MLLT1: variants seen among roughly 807,000 people sequenced by gnomAD.
MLLT1 encodes MLLT1 super elongation complex subunit.
A neutral mutation model predicts 55.1 loss-of-function variants in MLLT1; 11 were observed. The observed-to-expected ratio is 0.20, with a 90% CI of 0.13 to 0.33. MLLT1 has a LOEUF of 0.33. Ranked by LOEUF, MLLT1 falls within the 10% of genes least tolerant of loss-of-function variation. The pLI is 1.00. For missense variants in MLLT1, 536 were observed against 760.6 expected, an observed-to-expected ratio of 0.70 and a Z score of 3.47; for synonymous variants, 323 against 320.1, an observed-to-expected ratio of 1.01 and a Z score of -0.10.
At chr19:6,279,118 G>T (rs193053409) in intron 1 of MLLT1, among the ~76,000 whole-genome samples, 1 of 152,086 alleles carries the variant, frequency 6.6e-6, no homozygotes, top group Non-Finnish European at 1.5e-5. Context: ...TAAAGCTTAG[G>T]CTGGGCCGGG....
intron 3 of MLLT1, among the ~76,000 whole-genome samples, chr19:6,234,657 C>A (rs570331375): frequency 4.6e-5 from 7 of 152,204 alleles, no homozygotes; most frequent in Admixed American, 2.6e-4. Flanking sequence ...GATTCAGGCC[C>A]CCAAGACACG....
At position 6,273,146 on chromosome 19, in the gene MLLT1, A is replaced by T. The variant is rs2144965010; in HGVS notation, c.13-2387T>A. Among the ~76,000 whole-genome samples the T allele has an allele frequency of 6.6e-6, 1 of 152,102 alleles. No individual in the cohort carries two copies. ...CCGTCGTCATAAGTGGCTGACAGAT[A>T]TGGGAAACGGTCTCGGAGTCAAAAG... On this transcript the variant is annotated intron_variant, in intron 1 of 11. Transcript: ENST00000252674. This position sits in a 1 kb window ranked among gnomAD's most constrained non-coding sequence, Gnocchi z 4.3.
Position 6,212,843 on chromosome 19 carries a change from C to T in MLLT1, c.*199G>A, listed in dbSNP as rs1600165807. ...GGGGGCGGCTCCCGTGTGGCCCAGCCCGGCCCCAGGGCTCCTGGCGATGGA... is the reference window on the plus strand; with the variant it reads ...GGGGGCGGCTCCCGTGTGGCCCAGCTCGGCCCCAGGGCTCCTGGCGATGGA... On this transcript the variant is annotated 3_prime_UTR_variant, in exon 12 of 12. Coordinates refer to ENST00000252674, the MANE Select transcript of MLLT1 (RefSeq NM_005934.4). The T allele has an allele frequency of 1.1e-6, 1 of 938,480 alleles. No individual in the cohort carries two copies. The highest frequency in any genetic ancestry group is 1.5e-6 in the Non-Finnish European group (1 of 667,016). 58.1% of individuals were successfully genotyped at this position (938,480 alleles called of 1,614,324 possible). A position where few individuals can be genotyped will look rare whatever the true frequency, so the allele number is the denominator to read the frequency against.
In MLLT1 at chr19:6,272,453, C is replaced by G. The variant is rs567531667; in HGVS notation, c.13-1694G>C. Among the ~76,000 whole-genome samples the G allele has an allele frequency of 2.0e-5, 3 of 152,308 alleles. No homozygotes were observed. In the East Asian group the frequency reaches 5.8e-4, roughly 29 times the overall value. ...TGGGTGCCCTAAGCTCGTTTCAAAA[C>G]CCTACTCATCTCAAGTCCTGGCTCA... is the stretch of plus-strand genomic sequence containing the variant. On this transcript the variant is annotated intron_variant, in intron 1 of 11. Coordinates refer to ENST00000252674, the MANE Select transcript of MLLT1 (RefSeq NM_005934.4).
At chr19:6,269,507 G>T (rs934217622) in intron 2 of MLLT1, among the ~76,000 whole-genome samples, 1 of 152,250 alleles carries the variant, frequency 6.6e-6, no homozygotes, top group Admixed American at 6.5e-5. Context: ...GAGGGAAAGA[G>T]AAGCCGCAGG....
intron 6 of MLLT1, 148 bp downstream of exon 6, chr19:6,221,973 G>C: frequency 1.8e-6 from 1 of 543,540 alleles, no homozygotes; most frequent in Non-Finnish European, 2.9e-6. Flanking sequence ...AGGCGTGGAG[G>C]CCCCAGGTTA....
At chr19:6,237,129 G>A (rs1407516963) in intron 3 of MLLT1, among the ~76,000 whole-genome samples, 2 of 152,248 alleles carry the variant, frequency 1.3e-5, no homozygotes, top group East Asian at 3.9e-4. Context: ...TGCTCCTTGG[G>A]ATGAGGATCA....
rs140996454 is a variant in MLLT1, at chr19:6,249,518, C to A, written c.276+12710G>T. On this transcript the variant is annotated intron_variant, in intron 3 of 11. Transcript: ENST00000252674. ...TTGTCCCGGGGCAGCCCCAGCATGTCCTCCCAGCCCACAGTCAAGGCCACT... is the reference window on the plus strand; with the variant it reads ...TTGTCCCGGGGCAGCCCCAGCATGTACTCCCAGCCCACAGTCAAGGCCACT... Among the ~76,000 whole-genome samples, 461 of 152,272 alleles carry A rather than the reference C, an allele frequency of 3.0e-3. 4 individuals are homozygous for A. The highest frequency in any genetic ancestry group is 0.011 in the African/African-American group (443 of 41,554).
In MLLT1 at chr19:6,229,446, C is replaced by A. The variant is rs1006679982; in HGVS notation, c.420+1124G>T. On this transcript the variant is annotated intron_variant, in intron 4 of 11. Transcript: ENST00000252674. This position sits in a 1 kb window ranked among gnomAD's most constrained non-coding sequence, Gnocchi z 5.2. ...GAGGAAGGAGGACTCCCCAGCCTGA[C>A]ACCCACAGCCACGGTGCCCCAAATC... Among the ~76,000 whole-genome samples, 2 of 151,928 alleles carry A rather than the reference C, an allele frequency of 1.3e-5. No individual in the cohort carries two copies. Among genetic ancestry groups the A allele is most frequent in the African/African-American group, 4.8e-5 (2 of 41,310 alleles).
chr19:6,277,197 C>T (rs368814775), intron 1 of MLLT1, among the ~76,000 whole-genome samples: 18 of 152,322 alleles, frequency 1.2e-4, no homozygotes, highest in African/African-American at 3.8e-4. Context: ...CAGGGGCCTC[C>T]GGCTCTGTGA....
At position 6,229,357 on chromosome 19, in the gene MLLT1, G is replaced by A. The variant is rs1431794935; in HGVS notation, c.420+1213C>T. 6.6e-6 allele frequency among the ~76,000 whole-genome samples: 1 copy of A among 151,984 alleles called. No individual in the cohort carries two copies. Among genetic ancestry groups the A allele is most frequent in the Non-Finnish European group, 1.5e-5 (1 of 67,992 alleles). On this transcript the variant is annotated intron_variant, in intron 4 of 11. Transcript: ENST00000252674. The surrounding 1 kb of genome is among the most constrained non-coding windows in gnomAD (Gnocchi z 5.2). ...GCAGGACTCACTCAAGCTTCTACAT[G>A]GACAGACGCCTCCTTCTTCTTAGGA...
intron 3 of MLLT1, among the ~76,000 whole-genome samples, chr19:6,245,253 CTTTCT>C (rs1169229933): frequency 1.2e-3 from 169 of 141,520 alleles, no homozygotes; most frequent in Middle Eastern, 3.7e-3. Flanking sequence ...TCCTTTCTTT[CTTTCT>C]TTTTTTTTTT....
chr19:6,234,086 G>T (rs116348910), intron 3 of MLLT1, among the ~76,000 whole-genome samples: 3,405 of 152,360 alleles, frequency 0.022, 139 homozygotes, highest in African/African-American at 0.078. Flanking sequence ...GGAGGCTGTG[G>T]TGGGGCTGAA....
intron 3 of MLLT1, among the ~76,000 whole-genome samples, chr19:6,246,495 C>T (rs1259060485): frequency 6.6e-6 from 1 of 152,094 alleles, no homozygotes; most frequent in Non-Finnish European, 1.5e-5. Flanking sequence ...GCAACATGGA[C>T]AAATCTAAGT....
At position 6,222,568 on chromosome 19, in the gene MLLT1, C is replaced by T. The variant is rs775721012; in HGVS notation, c.663G>A (p.Glu221=). The change falls in exon 6 of 12, where the codon GAG becomes GAA. Residue 221 remains glutamate, a synonymous_variant. Transcript: ENST00000252674. This position sits in a 1 kb window ranked among gnomAD's most constrained non-coding sequence, Gnocchi z 4.1. ...SKSSSKELER[E]QAKSSKDTSR... The stretch of plus-strand genomic sequence containing the variant: ...AGGTGTCCTTGGAGCTTTTGGCCTG[C>T]TCACGCTCCAGCTCCTTGGAGGAGC... The T allele has an allele frequency of 1.1e-5, 18 of 1,601,044 alleles. No individual in the cohort carries two copies. In the South Asian group the frequency reaches 1.2e-4, roughly 11 times the overall value.
intron 3 of MLLT1, among the ~76,000 whole-genome samples, chr19:6,241,469 G>A (rs1323490527): frequency 7.4e-6 from 1 of 134,744 alleles, no homozygotes; most frequent in Non-Finnish European, 1.5e-5. Context: ...TCAGGTACAT[G>A]CCGAGATAGG....
chr19:6,260,303 G>A (rs1387301798), intron 3 of MLLT1, among the ~76,000 whole-genome samples: 1 of 152,198 alleles, frequency 6.6e-6, no homozygotes, highest in Admixed American at 6.5e-5. Flanking sequence ...CAGGAAGTCA[G>A]GACAGAAACA....
chr19:6,254,556 G>A (rs528558572), intron 3 of MLLT1, among the ~76,000 whole-genome samples: 11 of 152,318 alleles, frequency 7.2e-5, no homozygotes, highest in South Asian at 4.1e-4. Context: ...ACTCCAGGTC[G>A]TGGATGACAT....
At position 6,229,268 on chromosome 19, in the gene MLLT1, T is replaced by C. The variant is rs952565250; in HGVS notation, c.420+1302A>G. ...CCAGCACTCAGCCACGCCATCCACATAGGCCCACGCCGGCACTGCCCTCCC... is the reference window on the plus strand; with the variant it reads ...CCAGCACTCAGCCACGCCATCCACACAGGCCCACGCCGGCACTGCCCTCCC... On this transcript the variant is annotated intron_variant, in intron 4 of 11. Coordinates refer to ENST00000252674, the MANE Select transcript of MLLT1 (RefSeq NM_005934.4). This position sits in a 1 kb window ranked among gnomAD's most constrained non-coding sequence, Gnocchi z 5.2. Among the ~76,000 whole-genome samples, 2 of 152,096 alleles carry C rather than the reference T, an allele frequency of 1.3e-5. No homozygotes were observed. The highest frequency in any genetic ancestry group is 4.1e-4 in the South Asian group (2 of 4,830).
Sources: allele counts gnomAD v4.1 joint callset (sites outside exome capture counted in the v4.1 genomes callset), GRCh38; gene constraint gnomAD v4.1.1; non-coding constraint Gnocchi (gnomAD v3.1); transcripts MANE v1.5; gene names NCBI Gene and HGNC (gene_info 2026-07-23, HGNC 2026-07-21).